The following SLIT2 variants were observed in gnomAD, a reference collection of about 807,000 sequenced individuals.
SLIT2 encodes the protein slit guidance ligand 2.
SLIT2 carries 41 observed loss-of-function variants against 185.7 expected under a neutral mutation model. The ratio of observed to expected loss-of-function variants is 0.22; its 90% confidence interval spans 0.17 to 0.29. The LOEUF is 0.29. Ranked by LOEUF, SLIT2 falls within the 10% of genes least tolerant of loss-of-function variation. The pLI is 1.00. For synonymous variants in SLIT2, 693 were observed against 680.2 expected (o/e 1.02, Z -0.29); for missense variants, 1,571 against 1,909.0 (o/e 0.82, Z 3.30).
chr4:20,485,024 A>G (rs1717074544), intron 6 of SLIT2, among the ~76,000 whole-genome samples: 1 of 152,124 alleles, frequency 6.6e-6, no homozygotes. Flanking sequence ...TCCAGTATCA[A>G]CTTCATCCAA....
chr4:20,523,558 G>T (rs1721021793), intron 12 of SLIT2, among the ~76,000 whole-genome samples: 1 of 152,124 alleles, frequency 6.6e-6, no homozygotes, highest in East Asian at 1.9e-4. Context: ...ACTAGATTTA[G>T]GTTCATTTGA....
intron 26 of SLIT2, among the ~76,000 whole-genome samples, chr4:20,554,564 A>T (rs757431280): frequency 6.6e-6 from 1 of 152,214 alleles, no homozygotes; most frequent in Non-Finnish European, 1.5e-5. Context: ...AATATGAATA[A>T]TAAGAAACAA....
chr4:20,453,206 T>C (rs1208064965), intron 4 of SLIT2, among the ~76,000 whole-genome samples: 2 of 152,196 alleles, frequency 1.3e-5, no homozygotes, highest in East Asian at 3.8e-4. Context: ...AGAAACTGTA[T>C]ATGATGGATT....
Position 20,523,776 on chromosome 4 carries a change from A to C in SLIT2, c.1147A>C (p.Lys383Gln), listed in dbSNP as rs1368786865. ...SLQLLLLNAN[K>Q]INCLRVDAFQ... ...ATCAAACAGATTATTGAATGCCAAC[A>C]AGATAAACTGCCTTCGGGTAGATGC... The change falls in exon 13 of 37, where the codon AAG (lysine) becomes CAG (glutamine). Residue 383 changes from lysine to glutamine, a missense_variant. Transcript: ENST00000504154. 2 of 1,613,922 alleles carry C rather than the reference A, an allele frequency of 1.2e-6. No homozygotes were observed. Among genetic ancestry groups the C allele is most frequent in the African/African-American group, 2.7e-5 (2 of 74,942 alleles).
At chr4:20,334,175 G>T (rs1251002297) in intron 4 of SLIT2, among the ~76,000 whole-genome samples, 1 of 152,158 alleles carries the variant, frequency 6.6e-6, no homozygotes, top group Non-Finnish European at 1.5e-5. Context: ...TGAGGGAAAA[G>T]ATTATGTTGC....
Position 20,568,944 on chromosome 4 carries a change from A to G in SLIT2, c.3028A>G (p.Asn1010Asp). 1 of 1,612,600 alleles carries G rather than the reference A, an allele frequency of 6.2e-7. No homozygotes were observed. Among genetic ancestry groups the G allele is most frequent in the Non-Finnish European group, 8.5e-7 (1 of 1,178,856 alleles). Residue 1010 changes from asparagine to aspartate, a missense_variant, in exon 29 of 37, where the codon AAT becomes GAT. Physicochemically the swap from Asn to Asp is conservative, Grantham distance 23. This residue lies in a region of SLIT2 where 1,202 missense variants were observed against 1,416.4 expected (regional missense o/e 0.85). Coordinates refer to ENST00000504154, the MANE Select transcript of SLIT2 (RefSeq NM_004787.4). ...DDCEDNDCEN[N>D]STCVDGINNY... The stretch of plus-strand genomic sequence containing the variant: ...TTGTGAAGATAATGACTGTGAAAAT[A>G]ATTCTACATGTGTCGATGGCATTAA...
At chr4:20,516,372 A>G (rs974915719) in intron 11 of SLIT2, among the ~76,000 whole-genome samples, 2 of 152,224 alleles carry the variant, frequency 1.3e-5, no homozygotes, top group African/African-American at 2.4e-5. Flanking sequence ...TATACTATCT[A>G]TGTGGTATGC....
rs150593410 is a variant in SLIT2 at position 20,407,445 on chromosome 4, G to A, written c.396-60307G>A. On this transcript the variant is annotated intron_variant, in intron 4 of 36. Transcript: ENST00000504154. ...CTAGACTAACAAATGTTCTAGAAACGCCTGCCTTTTGTTATTTATCCTTGA... is the reference window on the plus strand; with the variant it reads ...CTAGACTAACAAATGTTCTAGAAACACCTGCCTTTTGTTATTTATCCTTGA... 1.1e-3 allele frequency among the ~76,000 whole-genome samples: 165 copies of A among 152,190 alleles called. 1 individual carries two copies. The highest frequency in any genetic ancestry group is 3.6e-3 in the African/African-American group (150 of 41,526).
chr4:20,304,615 C>A (rs1232416451), intron 4 of SLIT2, among the ~76,000 whole-genome samples: 2 of 152,106 alleles, frequency 1.3e-5, no homozygotes, highest in Non-Finnish European at 2.9e-5. Flanking sequence ...TTAGAGTGCA[C>A]CATCTTGGAA....
At chr4:20,460,438 T>C (rs1241198728) in intron 4 of SLIT2, among the ~76,000 whole-genome samples, 1 of 152,238 alleles carries the variant, frequency 6.6e-6, no homozygotes, top group African/African-American at 2.4e-5. Context: ...TTAAGTGAGC[T>C]GATTAACAAA....
Position 20,533,974 on chromosome 4 carries a change from G to A in SLIT2, c.1832+259G>A, listed in dbSNP as rs527404894. ...ACACACACGTATTGTGAATGCAAAT[G>A]GTCCTTTACCCCAATATTCCTGCCT... On this transcript the variant is annotated intron_variant, in intron 18 of 36. Coordinates refer to ENST00000504154, the MANE Select transcript of SLIT2 (RefSeq NM_004787.4). 4.0e-5 allele frequency among the ~76,000 whole-genome samples: 6 copies of A among 151,532 alleles called. No individual in the cohort carries two copies. The South Asian group carries it at 1.0e-3, about 26-fold the overall frequency.
intron 4 of SLIT2, among the ~76,000 whole-genome samples, chr4:20,388,994 G>T: frequency 6.8e-6 from 1 of 147,792 alleles, no homozygotes; most frequent in African/African-American, 2.5e-5. Flanking sequence ...ATGTATATAG[G>T]AGATATGAAC....
At chr4:20,339,471 G>A (rs566922671) in intron 4 of SLIT2, among the ~76,000 whole-genome samples, 41 of 152,244 alleles carry the variant, frequency 2.7e-4, no homozygotes, top group African/African-American at 9.4e-4. Flanking sequence ...TACTAATAAC[G>A]CTTGGGCTGT....
chr4:20,596,658 AAGAGATCTCTCTCTATGG>A lies in SLIT2; in HGVS notation c.3561+10_3561+27del, dbSNP rs766237626. On this transcript the variant is annotated splice_donor_5th_base_variant and intron_variant, in intron 32 of 36. Coordinates refer to ENST00000504154, the MANE Select transcript of SLIT2 (RefSeq NM_004787.4). ...CTCAGACGAACATAACACTTCAGGT[AAGAGATCTCTCTCTATGG>A]AGAGATGATCGGATCTTAAAATTCA... 383 of 1,611,194 alleles carry A rather than the reference AAGAGATCTCTCTCTATGG, an allele frequency of 2.4e-4. No individual in the cohort carries two copies. The highest frequency in any genetic ancestry group is 1.7e-4 in the Middle Eastern group (1 of 6,058).
intron 4 of SLIT2, among the ~76,000 whole-genome samples, chr4:20,326,746 C>CTTTTTTTTTTT (rs59509608): frequency 1.8e-5 from 1 of 54,726 alleles, no homozygotes; most frequent in African/African-American, 8.4e-5. Context: ...ATTCTGAAAC[C>CTTTTTTTTTTT]TTTTTTTTTT....
chr4:20,477,942 A>T (rs1280280822), intron 5 of SLIT2, among the ~76,000 whole-genome samples: 1 of 152,228 alleles, frequency 6.6e-6, no homozygotes, highest in Admixed American at 6.5e-5. Flanking sequence ...TACAGAAGCC[A>T]GAAGTACCCA....
chr4:20,572,611 G>A (rs1366364275), intron 29 of SLIT2, among the ~76,000 whole-genome samples: 1 of 151,888 alleles, frequency 6.6e-6, no homozygotes, highest in Non-Finnish European at 1.5e-5. Flanking sequence ...TTTAAAAAAT[G>A]GACACTTTTT....
intron 23 of SLIT2, 97 bp downstream of exon 23, chr4:20,548,656 C>A: frequency 4.0e-6 from 3 of 741,460 alleles, no homozygotes; most frequent in Non-Finnish European, 2.4e-6. Context: ...ACAGTCTCTA[C>A]CCTCAAGGAA....
intron 33 of SLIT2, among the ~76,000 whole-genome samples, chr4:20,608,777 C>T (rs1003075266): frequency 1.3e-5 from 2 of 152,162 alleles, no homozygotes; most frequent in Admixed American, 6.5e-5. Context: ...ATTCCCTAGA[C>T]TTTGCCATTT....
Sources: gnomAD v4.1 joint callset for allele counts (sites outside exome capture counted in the v4.1 genomes callset) on GRCh38, gnomAD v4.1.1 for gene constraint, gnomAD v4.1.1 regional missense constraint, MANE v1.5 for transcripts, NCBI Gene and HGNC (gene_info 2026-07-23, HGNC 2026-07-21) for gene names.